The following NUAK2 variants were observed in gnomAD, a reference collection of about 807,000 sequenced individuals.
NUAK2 encodes the protein NUAK family SNF1-like kinase 2.
In NUAK2, 20 loss-of-function variants were observed where a neutral mutation model predicts 29.8. The ratio of observed to expected loss-of-function variants is 0.67; its 90% CI spans 0.47 to 0.98. The LOEUF (loss-of-function observed/expected upper bound fraction) is 0.98. Ranked by LOEUF, NUAK2 falls within the 50% of genes least tolerant of loss-of-function variation. NUAK2 has a pLI of 0.00. For missense variants in NUAK2, 719 were observed against 834.5 expected, an observed-to-expected ratio of 0.86 and a Z score of 1.71; for synonymous variants, 331 against 342.6, an observed-to-expected ratio of 0.97 and a Z score of 0.37.
intron 1 of NUAK2, 108 bp from the exon 2 acceptor site, chr1:205,311,933 C>G: frequency 1.5e-6 from 2 of 1,374,326 alleles, no homozygotes; most frequent in Non-Finnish European, 2.0e-6. Context: ...ACAGAGTACA[C>G]CCATAGAAGC....
chr1:205,305,369 C>T (rs370700932), intron 5 of NUAK2, 38 bp from the exon 6 acceptor site: 8 of 1,599,848 alleles, frequency 5.0e-6, no homozygotes, highest in South Asian at 2.2e-5. Flanking sequence ...GATGCCCATA[C>T]CAGACAGGAA....
chr1:205,303,665 C>T lies in NUAK2; in HGVS notation c.1672G>A (p.Asp558Asn), dbSNP rs1442098352. 2 of 1,567,534 alleles carry T rather than the reference C, an allele frequency of 1.3e-6. No individual in the cohort carries two copies. Among genetic ancestry groups the T allele is most frequent in the African/African-American group, 1.4e-5 (1 of 73,190 alleles). Residue 558 changes from aspartate (D) to asparagine (N), a missense_variant, in exon 7 of 7, where the codon GAC becomes AAC. Physicochemically the swap from Asp to Asn is conservative, Grantham distance 23. This residue lies in a region of NUAK2 where 430 missense variants were observed against 465.7 expected (regional missense o/e 0.92). Transcript: ENST00000367157. The stretch of plus-strand genomic sequence containing the variant: ...GGCTCTGGGAGCCGTTCAGGCAAGT[C>T]CAGCTGGTCAAAGGACTCAGAGGAC... ...ILSSESFDQL[D>N]LPERLPEPPL...
chr1:205,304,372 T>C lies in NUAK2; in HGVS notation c.965A>G (p.His322Arg). 1 of 1,609,738 alleles carries C rather than the reference T, an allele frequency of 6.2e-7. No homozygotes were observed. The highest frequency in any genetic ancestry group is 8.5e-7 in the Non-Finnish European group (1 of 1,177,510). Residue 322 changes from histidine to arginine, a missense_variant, in exon 7 of 7, where the codon CAC (histidine) becomes CGC (arginine). Physicochemically the swap from His to Arg is conservative, Grantham distance 29. Coordinates refer to ENST00000367157, the MANE Select transcript of NUAK2 (RefSeq NM_030952.3). This position sits in a 1 kb window ranked among gnomAD's most constrained non-coding sequence, Gnocchi z 6.5. ...GEQEAPHEGG[H>R]PGSDSARASM... is the part of the protein sequence containing the mutation. Reference sequence around the variant, plus strand: ...GGCGCGGGCAGAGTCACTGCCAGGGTGCCCACCCTCATGCGGAGCCTCCTG... The same window carrying C: ...GGCGCGGGCAGAGTCACTGCCAGGGCGCCCACCCTCATGCGGAGCCTCCTG...
chr1:205,318,194 T>C (rs993146579), intron 1 of NUAK2, among the ~76,000 whole-genome samples: 1 of 152,186 alleles, frequency 6.6e-6, no homozygotes, highest in Non-Finnish European at 1.5e-5. Context: ...AACCCAGGAA[T>C]ATAGTGTAGT....
Position 205,304,018 on chromosome 1 carries a change from G to T in NUAK2, c.1319C>A (p.Ala440Asp). The change falls in exon 7 of 7, where the codon GCC becomes GAC. Residue 440 changes from alanine to aspartate, a missense_variant. Coordinates refer to ENST00000367157, the MANE Select transcript of NUAK2 (RefSeq NM_030952.3). This position sits in a 1 kb window ranked among gnomAD's most constrained non-coding sequence, Gnocchi z 6.5. ...AATGCCCTTCTTGGGGAGCAGGGGG[G>T]CAGCCTGCCCTGGGCTCGCAGGGAT... ...SPIPASPGQAAPLLPKKGILK... is the reference protein window; with the variant it reads ...SPIPASPGQADPLLPKKGILK... 6.2e-7 allele frequency: 1 copy of T among 1,613,894 alleles called. No homozygotes were observed. Among genetic ancestry groups the T allele is most frequent in the Non-Finnish European group, 8.5e-7 (1 of 1,179,884 alleles).
rs1395627101 is a variant in NUAK2 at position 205,304,563 on chromosome 1, A to G, written c.824-50T>C. On this transcript the variant is annotated intron_variant, in intron 6 of 6. Transcript: ENST00000367157. This position sits in a 1 kb window ranked among gnomAD's most constrained non-coding sequence, Gnocchi z 6.5. ...CAGTTTGGCAGCTCCCAGAATAGGC[A>G]CTCCCTGTCCCCTGTCCCCAGCTCA... 1.4e-6 allele frequency: 2 copies of G among 1,398,412 alleles called. No individual in the cohort carries two copies. Among genetic ancestry groups the G allele is most frequent in the African/African-American group, 2.9e-5 (2 of 68,938 alleles). 86.6% of individuals were successfully genotyped at this position (1,398,412 alleles called of 1,614,324 possible).
Position 205,303,526 on chromosome 1 carries a change from C to A in NUAK2, c.1811G>T (p.Cys604Phe). 1.2e-6 allele frequency: 2 copies of A among 1,613,308 alleles called. No individual in the cohort carries two copies. The highest frequency in any genetic ancestry group is 8.5e-7 in the Non-Finnish European group (1 of 1,179,780). ...RWRQDPLGDS[C>F]FSLTDCQEVT... ...CTCCTGGCAGTCTGTCAGGGAAAAG[C>A]AGCTGTCCCCCAAAGGATCCTGCCG... Residue 604 changes from cysteine to phenylalanine, a missense_variant, in exon 7 of 7, where the codon TGC becomes TTC. Physicochemically the swap from Cys to Phe is radical, Grantham distance 205. Coordinates refer to ENST00000367157, the MANE Select transcript of NUAK2 (RefSeq NM_030952.3).
Position 205,308,583 on chromosome 1 carries a change from G to A in NUAK2, c.502C>T (p.Gln168Ter). The part of the protein sequence containing the change: ...QIVSAVHYCH[Q>*]NRVVHRDLKL... Reference sequence around the variant, plus strand: ...GGCTGGAGCAGGTAGGTGCTCACCTGATGGCAATAGTGCACGGCAGAGACG... The same window carrying A: ...GGCTGGAGCAGGTAGGTGCTCACCTAATGGCAATAGTGCACGGCAGAGACG... Residue 168 changes from glutamine (Q) to a stop codon, truncating the protein, a stop_gained and splice_region_variant, in exon 3 of 7, where the codon CAG (glutamine) becomes TAG (stop). Transcript: ENST00000367157. LOFTEE classifies it high-confidence loss of function. This position sits in a 1 kb window ranked among gnomAD's most constrained non-coding sequence, Gnocchi z 4.1. The A allele has an allele frequency of 6.2e-7, 1 of 1,613,458 alleles. No homozygotes were observed. The highest frequency in any genetic ancestry group is 8.5e-7 in the Non-Finnish European group (1 of 1,179,494).
At chr1:205,305,425 A>G in intron 5 of NUAK2, 94 bp from the exon 6 acceptor site, 1 of 1,493,322 alleles carries the variant, frequency 6.7e-7, no homozygotes, top group Non-Finnish European at 8.9e-7. Flanking sequence ...CCTGAGGACG[A>G]CCCACCTCTC....
chr1:205,306,348 G>A (rs910112370), intron 4 of NUAK2, 41 bp from the exon 5 acceptor site: 3 of 1,575,868 alleles, frequency 1.9e-6, no homozygotes, highest in African/African-American at 1.4e-5. Context: ...TCATGTCAAG[G>A]CCTGGGTTTT....
chr1:205,309,104 A>C (rs1458113733), intron 2 of NUAK2, among the ~76,000 whole-genome samples: 2 of 151,712 alleles, frequency 1.3e-5, no homozygotes, highest in African/African-American at 4.8e-5. Context: ...GCCTTGGGCA[A>C]ATCTCTTCTA....
chr1:205,314,616 TG>T (rs1215387472), intron 1 of NUAK2, among the ~76,000 whole-genome samples: 1 of 152,174 alleles, frequency 6.6e-6, no homozygotes, highest in Admixed American at 6.5e-5. Flanking sequence ...GGAGATTTTA[TG>T]GACAAGTTAT....
intron 1 of NUAK2, among the ~76,000 whole-genome samples, chr1:205,312,691 A>G (rs1020852387): frequency 2.0e-5 from 3 of 152,134 alleles, no homozygotes; most frequent in African/African-American, 7.2e-5. Flanking sequence ...AGTCCCAGCT[A>G]TAGGCGCGTG....
intron 1 of NUAK2, among the ~76,000 whole-genome samples, chr1:205,317,730 G>A (rs1034621134): frequency 4.6e-5 from 7 of 152,244 alleles, no homozygotes; most frequent in Non-Finnish European, 1.0e-4. Flanking sequence ...AGGGAGCTGG[G>A]AGGGCAGTGT....
In NUAK2 at chr1:205,304,228, C is replaced by T. The variant is rs773889103; in HGVS notation, c.1109G>A (p.Arg370His). The change falls in exon 7 of 7, where the codon CGC becomes CAC. Residue 370 changes from arginine (R) to histidine (H), a missense_variant. By Grantham distance (29) the Arg-to-His change is conservative (BLOSUM62 0). Transcript: ENST00000367157. This position sits in a 1 kb window ranked among gnomAD's most constrained non-coding sequence, Gnocchi z 6.5. Reference protein sequence around the residue: ...GGGSTTPGLERQHSLKKSRKE... With the variant: ...GGGSTTPGLEHQHSLKKSRKE... The stretch of plus-strand genomic sequence containing the variant: ...GCGGGACTTCTTGAGCGAATGCTGG[C>T]GCTCCAGGCCAGGGGTGGTGCTTCC... 2.0e-5 allele frequency: 33 copies of T among 1,614,006 alleles called. No homozygotes were observed. The highest frequency in any genetic ancestry group is 1.6e-4 in the Middle Eastern group (1 of 6,084).
At chr1:205,311,333 A>T (rs943908802) in intron 2 of NUAK2, among the ~76,000 whole-genome samples, 1 of 152,190 alleles carries the variant, frequency 6.6e-6, no homozygotes. Context: ...ATTGCTAAGG[A>T]GCTCACTGGG....
chr1:205,303,587 G>T lies in NUAK2; in HGVS notation c.1750C>A (p.Pro584Thr), dbSNP rs1558670690. The T allele has an allele frequency of 1.2e-6, 2 of 1,613,076 alleles. No individual in the cohort carries two copies. The highest frequency in any genetic ancestry group is 8.5e-7 in the Non-Finnish European group (1 of 1,179,822). ...AGGCAGCTTCCAGGGCCCTCTGAGG[G>T]GGGCTCCTCAAGCCCCGTGAGGTTG... ...VDNLTGLEEP[P>T]SEGPGSCLRR... The change falls in exon 7 of 7, where the codon CCC becomes ACC. Residue 584 changes from proline (P) to threonine (T), a missense_variant. Coordinates refer to ENST00000367157, the MANE Select transcript of NUAK2 (RefSeq NM_030952.3).
In NUAK2 at chr1:205,305,124, C is replaced by T. The variant is rs1662161055; in HGVS notation, c.823+75G>A. The T allele has an allele frequency of 2.6e-6, 4 of 1,551,188 alleles. No homozygotes were observed. In the East Asian group the frequency reaches 6.8e-5, roughly 26 times the overall value. On this transcript the variant is annotated intron_variant, in intron 6 of 6. Transcript: ENST00000367157. ...TGTTGCCCGTTTGACTTTAGTGCCA[C>T]TGTGTAGTTTCTGCCTTAGGAATGA...
At position 205,308,106 on chromosome 1, in the gene NUAK2, A is replaced by C. The variant is rs759262232; in HGVS notation, c.570+59T>G. On this transcript the variant is annotated intron_variant, in intron 4 of 6. Coordinates refer to ENST00000367157, the MANE Select transcript of NUAK2 (RefSeq NM_030952.3). This position sits in a 1 kb window ranked among gnomAD's most constrained non-coding sequence, Gnocchi z 4.1. ...AGAGCTTAGAGCTACTTGGCTGGGG[A>C]CAGTGCAGAAAAGCTGGGGTGGGCA... is the stretch of plus-strand genomic sequence containing the variant. 8.8e-7 allele frequency: 1 copy of C among 1,134,832 alleles called. No individual in the cohort carries two copies. The allele number at this position is 1,134,832 out of a possible 1,614,324, so 70.3% of individuals were successfully genotyped here. A position where few individuals can be genotyped will look rare whatever the true frequency, so the allele number is the denominator to read the frequency against.
Sources: gnomAD v4.1 joint callset for allele counts (sites outside exome capture counted in the v4.1 genomes callset) on GRCh38, gnomAD v4.1.1 for gene constraint, gnomAD v4.1.1 regional missense constraint, Gnocchi (gnomAD v3.1) non-coding constraint, MANE v1.5 for transcripts, NCBI Gene and HGNC (gene_info 2026-07-23, HGNC 2026-07-21) for gene names.